Variants in RFX2 observed in about 807,000 individuals in gnomAD.
The protein encoded by RFX2 is DNA-binding protein RFX2.
In RFX2, 20 loss-of-function variants were observed where a neutral mutation model predicts 87.8. The ratio of observed to expected loss-of-function variants is 0.23; its 90% confidence interval spans 0.16 to 0.33. RFX2 has a LOEUF of 0.33. RFX2 is among the 10% of genes least tolerant of loss of function. RFX2 has a pLI of 1.00. For missense variants in RFX2, 767 were observed against 1,012.3 expected (o/e 0.76, Z 3.29); for synonymous variants, 397 against 431.3 (o/e 0.92, Z 0.98).
intron 12 of RFX2, among the ~76,000 whole-genome samples, chr19:6,005,850 T>A (rs1299428498): frequency 7.9e-5 from 12 of 152,144 alleles, no homozygotes; most frequent in Non-Finnish European, 1.6e-4. Context: ...ACAGTGGGGC[T>A]TAAGGGAGGC....
In RFX2 at chr19:6,083,762, G is replaced by A. The variant is rs1375756591; in HGVS notation, c.-9+26631C>T. On this transcript the variant is annotated intron_variant, in intron 1 of 17. Transcript: ENST00000303657. This position sits in a 1 kb window ranked among gnomAD's most constrained non-coding sequence, Gnocchi z 4.6. Reference sequence around the variant, plus strand: ...AATTTTTTAATTTTTTGTACAGATGGGGTCTCACCATCTTGCCCAGGCTGT... The same window carrying A: ...AATTTTTTAATTTTTTGTACAGATGAGGTCTCACCATCTTGCCCAGGCTGT... 2.0e-5 allele frequency among the ~76,000 whole-genome samples: 3 copies of A among 152,000 alleles called. No individual in the cohort carries two copies. In the East Asian group the frequency reaches 5.8e-4, roughly 29 times the overall value.
chr19:6,008,605 C>A (rs1294493477), intron 9 of RFX2, among the ~76,000 whole-genome samples: 1 of 151,852 alleles, frequency 6.6e-6, no homozygotes, highest in East Asian at 1.9e-4. Flanking sequence ...GAACTCCTGA[C>A]CTCAGGTGAT....
intron 1 of RFX2, among the ~76,000 whole-genome samples, chr19:6,103,046 G>A (rs2088152561): frequency 6.6e-6 from 1 of 152,104 alleles, no homozygotes; most frequent in Admixed American, 6.6e-5. Context: ...AAACTGCAGA[G>A]ATCTTAGTAG....
At chr19:6,105,324 G>C (rs774042304) in intron 1 of RFX2, among the ~76,000 whole-genome samples, 5 of 152,064 alleles carry the variant, frequency 3.3e-5, no homozygotes, top group Non-Finnish European at 7.4e-5. Flanking sequence ...TCTGAGAAAA[G>C]GCCTGAAGAA....
At chr19:6,038,019 G>C (rs1233636781) in intron 5 of RFX2, among the ~76,000 whole-genome samples, 1 of 152,144 alleles carries the variant, frequency 6.6e-6, no homozygotes, top group Non-Finnish European at 1.5e-5. Flanking sequence ...ATAGGAAGCA[G>C]ATCTAAATGT....
chr19:6,075,457 C>A (rs911007325), intron 1 of RFX2, among the ~76,000 whole-genome samples: 4 of 152,164 alleles, frequency 2.6e-5, no homozygotes, highest in African/African-American at 9.7e-5. Flanking sequence ...GGCTGGACAA[C>A]CAGGTCAGAG....
intron 1 of RFX2, among the ~76,000 whole-genome samples, chr19:6,094,540 T>C (rs532752447): frequency 6.6e-6 from 1 of 152,270 alleles, no homozygotes; most frequent in Admixed American, 6.5e-5. Flanking sequence ...AAGTAGCCAA[T>C]ATAGTGGTCA....
intron 17 of RFX2, 79 bp from the exon 18 acceptor site, chr19:5,995,029 C>G: frequency 8.7e-7 from 1 of 1,145,456 alleles, no homozygotes; most frequent in South Asian, 1.3e-5. Flanking sequence ...GTTCCGAGAA[C>G]TGCTCCGGCA....
In RFX2 at chr19:6,012,862, C is replaced by T; in HGVS notation, c.899+124G>A. On this transcript the variant is annotated intron_variant, in intron 8 of 17. Coordinates refer to ENST00000303657, the MANE Select transcript of RFX2 (RefSeq NM_000635.4). This position sits in a 1 kb window ranked among gnomAD's most constrained non-coding sequence, Gnocchi z 4.6. ...ACCTCAGTCTCAGCAGAGGGGGATA[C>T]CTTGGCTTTCCCAGGATGCTGGAGA... The T allele has an allele frequency of 9.9e-7, 1 of 1,006,966 alleles. No individual in the cohort carries two copies. The highest frequency in any genetic ancestry group is 1.3e-6 in the Non-Finnish European group (1 of 745,988). 62.4% of individuals were successfully genotyped at this position (1,006,966 alleles called of 1,614,324 possible).
At chr19:6,105,178 T>G (rs563517079) in intron 1 of RFX2, among the ~76,000 whole-genome samples, 1 of 151,978 alleles carries the variant, frequency 6.6e-6, no homozygotes, top group East Asian at 1.9e-4. Flanking sequence ...GAGCTGACAT[T>G]CTAACAAGAG....
At chr19:6,099,733 T>A (rs1035236027) in intron 1 of RFX2, among the ~76,000 whole-genome samples, 3 of 152,180 alleles carry the variant, frequency 2.0e-5, no homozygotes, top group Non-Finnish European at 4.4e-5. Flanking sequence ...CACTACCACC[T>A]GTCGAAGTGG....
intron 1 of RFX2, among the ~76,000 whole-genome samples, chr19:6,059,318 G>C (rs1389823153): frequency 6.6e-6 from 1 of 152,114 alleles, no homozygotes; most frequent in Non-Finnish European, 1.5e-5. Flanking sequence ...CCAAACTAAA[G>C]TATGGTTACC....
chr19:6,032,469 A>G (rs1157062651), intron 5 of RFX2, among the ~76,000 whole-genome samples: 2 of 152,302 alleles, frequency 1.3e-5, no homozygotes, highest in East Asian at 3.9e-4. Context: ...AAGCAGAATG[A>G]CTGGAATTTT....
At chr19:6,038,345 A>C (rs889818454) in intron 5 of RFX2, among the ~76,000 whole-genome samples, 1 of 150,724 alleles carries the variant, frequency 6.6e-6, no homozygotes, top group African/African-American at 2.4e-5. Context: ...AAAAAAAAAA[A>C]AAAAAAACCC....
At chr19:6,037,422 C>T (rs867670352) in intron 5 of RFX2, among the ~76,000 whole-genome samples, 2 of 152,122 alleles carry the variant, frequency 1.3e-5, no homozygotes, top group African/African-American at 4.8e-5. Context: ...AGAAAACCCA[C>T]AATGCCATTT....
rs1019352637 is a variant in RFX2 at position 5,997,396 on chromosome 19, G to C, written c.1860-183C>G. 1 of 660,950 alleles carries C rather than the reference G, an allele frequency of 1.5e-6. No individual in the cohort carries two copies. Among genetic ancestry groups the C allele is most frequent in the East Asian group, 2.9e-5 (1 of 34,438 alleles). 40.9% of individuals were successfully genotyped at this position (660,950 alleles called of 1,614,324 possible). ...CGGGCTGCCGAGACCCTGGGCCCAC[G>C]TGACGGACAGGTGGGGCCGGCCTGC... On this transcript the variant is annotated intron_variant, in intron 15 of 17. Transcript: ENST00000303657. This position sits in a 1 kb window ranked among gnomAD's most constrained non-coding sequence, Gnocchi z 4.2.
Position 5,997,033 on chromosome 19 carries a change from G to A in RFX2, c.2013+27C>T, listed in dbSNP as rs751504415. The A allele has an allele frequency of 1.5e-4, 234 of 1,592,154 alleles. No homozygotes were observed. Among genetic ancestry groups the A allele is most frequent in the South Asian group, 2.2e-4 (20 of 89,492 alleles). ...CTCCCCACAGGCCCGGCCAAGCCCC[G>A]GCCGTCCCACCCAGGAGGGTCCTCA... On this transcript the variant is annotated intron_variant, in intron 16 of 17. Transcript: ENST00000303657. The surrounding 1 kb of genome is among the most constrained non-coding windows in gnomAD (Gnocchi z 4.2).
At chr19:6,090,598 T>C (rs544460800) in intron 1 of RFX2, among the ~76,000 whole-genome samples, 157 of 152,292 alleles carry the variant, frequency 1.0e-3, no homozygotes, top group African/African-American at 3.6e-3. Context: ...CCGGTGGGAC[T>C]GTGAAAGGAC....
rs1418943868 is a variant in RFX2 at position 6,063,283 on chromosome 19, C to T, written c.-8-15779G>A. On this transcript the variant is annotated intron_variant, in intron 1 of 17. Transcript: ENST00000303657. This position sits in a 1 kb window ranked among gnomAD's most constrained non-coding sequence, Gnocchi z 4.0. ...CGCCTGCCAGACCCCCAGGCCTGAG[C>T]GCCAGCCCTTCACTGATCAGCTAGC... Among the ~76,000 whole-genome samples, 2 of 152,206 alleles carry T rather than the reference C, an allele frequency of 1.3e-5. No individual in the cohort carries two copies. The highest frequency in any genetic ancestry group is 2.9e-5 in the Non-Finnish European group (2 of 68,038).
Sources: allele counts gnomAD v4.1 joint callset (sites outside exome capture counted in the v4.1 genomes callset), GRCh38; gene constraint gnomAD v4.1.1; non-coding constraint Gnocchi (gnomAD v3.1); transcripts MANE v1.5; gene names NCBI Gene and HGNC (gene_info 2026-07-23, HGNC 2026-07-21).